Variants in GADL1 observed in about 807,000 individuals in gnomAD.
The protein encoded by GADL1 is acidic amino acid decarboxylase GADL1.
Under a neutral mutation model 69.5 loss-of-function variants are expected in GADL1, and 71 were observed. That is an observed-to-expected ratio of 1.02 (90% CI 0.84 to 1.25). The LOEUF is 1.25. GADL1 is among the 50% of genes most tolerant of loss of function. The probability of loss-of-function intolerance (pLI) is 0.00; values close to 1 mark genes in which losing one functional copy is unlikely to be tolerated. For synonymous variants in GADL1, 254 were observed against 214.4 expected (o/e 1.18, Z -1.62); for missense variants, 737 against 631.8 (o/e 1.17, Z -1.79).
At chr3:30,813,929 A>G (rs1697408590) in intron 11 of GADL1, among the ~76,000 whole-genome samples, 1 of 152,236 alleles carries the variant, frequency 6.6e-6, no homozygotes, top group Non-Finnish European at 1.5e-5. Flanking sequence ...AAATGCGCTG[A>G]AATGACAAAA....
intron 14 of GADL1, among the ~76,000 whole-genome samples, chr3:30,755,238 C>T (rs1166801506): frequency 6.6e-6 from 1 of 152,136 alleles, no homozygotes; most frequent in African/African-American, 2.4e-5. Context: ...GAGATAATTA[C>T]TGACTAAAAT....
chr3:30,751,790 A>T (rs537644301), intron 14 of GADL1, among the ~76,000 whole-genome samples: 1 of 138,616 alleles, frequency 7.2e-6, no homozygotes, highest in African/African-American at 2.5e-5. Context: ...TTCATGGCTC[A>T]TAGTTTTTAG....
chr3:30,834,094 TTTG>T (rs780447696), intron 10 of GADL1, 120 bp downstream of exon 10: 66 of 1,000,496 alleles, frequency 6.6e-5, no homozygotes, highest in Non-Finnish European at 9.1e-5. Flanking sequence ...GGAGGGATTT[TTTG>T]TTGTTGTTTA....
intron 12 of GADL1, among the ~76,000 whole-genome samples, chr3:30,791,228 A>G (rs970537545): frequency 2.0e-5 from 3 of 152,190 alleles, no homozygotes; most frequent in Non-Finnish European, 2.9e-5. Flanking sequence ...CTATAGGAGA[A>G]AAGCTTTGTG....
chr3:30,892,950 A>G (rs1698803715), intron 1 of GADL1, among the ~76,000 whole-genome samples: 1 of 152,216 alleles, frequency 6.6e-6, no homozygotes, highest in South Asian at 2.1e-4. Context: ...TCCGCCTCCC[A>G]GGTTCAAGCG....
intron 14 of GADL1, among the ~76,000 whole-genome samples, chr3:30,752,057 C>A (rs1033327060): frequency 6.6e-6 from 1 of 152,190 alleles, no homozygotes; most frequent in Non-Finnish European, 1.5e-5. Context: ...GCTACCCAGG[C>A]CCATGTGCTG....
intron 5 of GADL1, 133 bp from the exon 6 acceptor site, chr3:30,850,244 C>T (rs1698129031): frequency 1.5e-6 from 1 of 654,672 alleles, no homozygotes. Flanking sequence ...AGCACATGAA[C>T]ACCGACCTCC....
At chr3:30,828,431 A>G (rs1304897086) in intron 11 of GADL1, among the ~76,000 whole-genome samples, 1 of 139,738 alleles carries the variant, frequency 7.2e-6, no homozygotes, top group Non-Finnish European at 1.5e-5. Context: ...TATGTGTTGA[A>G]TGACTATCCC....
chr3:30,760,355 C>G (rs1347153397), intron 14 of GADL1, among the ~76,000 whole-genome samples: 1 of 152,090 alleles, frequency 6.6e-6, no homozygotes, highest in East Asian at 1.9e-4. Context: ...CTTCATTAAG[C>G]TTTAGTCTCT....
At chr3:30,772,919 C>A (rs1250911033) in intron 14 of GADL1, among the ~76,000 whole-genome samples, 1 of 152,050 alleles carries the variant, frequency 6.6e-6, no homozygotes, top group Admixed American at 6.6e-5. Context: ...ATGCCCGAAG[C>A]TTTCAGGGAA....
chr3:30,802,620 C>A (rs1219151700), intron 11 of GADL1, among the ~76,000 whole-genome samples: 1 of 152,186 alleles, frequency 6.6e-6, no homozygotes, highest in African/African-American at 2.4e-5. Flanking sequence ...CAAGATATCA[C>A]ATTTCAAATG....
intron 1 of GADL1, among the ~76,000 whole-genome samples, chr3:30,886,417 C>T (rs1020408177): frequency 2.0e-5 from 3 of 152,054 alleles, no homozygotes; most frequent in South Asian, 2.1e-4. Flanking sequence ...TAAGCAAGAC[C>T]GTCCCCCATG....
chr3:30,810,894 G>T (rs911957736), intron 11 of GADL1, among the ~76,000 whole-genome samples: 1 of 152,126 alleles, frequency 6.6e-6, no homozygotes, highest in Admixed American at 6.6e-5. Flanking sequence ...CTACAAGGGT[G>T]GGGCTGGAAA....
intron 14 of GADL1, among the ~76,000 whole-genome samples, chr3:30,772,230 T>C (rs1263931657): frequency 2.0e-5 from 3 of 152,210 alleles, no homozygotes; most frequent in Non-Finnish European, 4.4e-5. Context: ...CTGTTATAAA[T>C]GACTAACATT....
At chr3:30,766,723 G>A (rs538833094) in intron 14 of GADL1, among the ~76,000 whole-genome samples, 2 of 152,226 alleles carry the variant, frequency 1.3e-5, no homozygotes, top group South Asian at 4.1e-4. Flanking sequence ...ACAGGAGAGA[G>A]CAGGTGGCTC....
At chr3:30,764,882 C>A (rs1001045231) in intron 14 of GADL1, among the ~76,000 whole-genome samples, 3 of 152,188 alleles carry the variant, frequency 2.0e-5, no homozygotes, top group Non-Finnish European at 4.4e-5. Context: ...TGAATTATCC[C>A]TACCTACCCC....
intron 11 of GADL1, among the ~76,000 whole-genome samples, chr3:30,825,798 G>A (rs1445505156): frequency 6.6e-6 from 1 of 151,820 alleles, no homozygotes; most frequent in Non-Finnish European, 1.5e-5. Context: ...GGGAGGGAGA[G>A]CATTACAACA....
At chr3:30,839,522 A>AAAAAAAAAAAAAAG (rs1235367070) in intron 8 of GADL1, among the ~76,000 whole-genome samples, 2 of 150,876 alleles carry the variant, frequency 1.3e-5, no homozygotes, top group African/African-American at 4.9e-5. Context: ...CTCAAAAAAA[A>AAAAAAAAAAAAAAG]AAAAAGGTTG....
intron 14 of GADL1, among the ~76,000 whole-genome samples, chr3:30,768,936 G>C (rs978477060): frequency 1.3e-5 from 2 of 152,076 alleles, no homozygotes; most frequent in Admixed American, 1.3e-4. Flanking sequence ...ACTGGCAAAA[G>C]CACTTCAAAG....
Sources: gnomAD v4.1 joint callset for allele counts (sites outside exome capture counted in the v4.1 genomes callset) on GRCh38, gnomAD v4.1.1 for gene constraint, MANE v1.5 for transcripts, NCBI Gene and HGNC (gene_info 2026-07-23, HGNC 2026-07-21) for gene names.